Variants in SPATA17 observed in about 807,000 individuals in gnomAD.
The protein encoded by SPATA17 is spermatogenesis associated 17, also known as spermatogenesis-associated protein 17.
A neutral mutation model predicts 62.2 loss-of-function variants in SPATA17; 53 were observed. That is an observed-to-expected ratio of 0.85 (90% CI 0.68 to 1.07). The LOEUF (loss-of-function observed/expected upper bound fraction) is 1.07, where lower values mean the gene tolerates loss of function less well. SPATA17 is among the 50% of genes least tolerant of loss of function. SPATA17 has a pLI of 0.00. For missense variants in SPATA17, 466 were observed against 425.5 expected (o/e 1.10, Z -0.84); for synonymous variants, 146 against 146.8 (o/e 0.99, Z 0.04).
intron 9 of SPATA17, among the ~76,000 whole-genome samples, chr1:217,818,892 T>TG (rs946130429): frequency 7.3e-5 from 11 of 150,924 alleles, no homozygotes; most frequent in Non-Finnish European, 1.2e-4. Context: ...CTTTTTTTTT[T>TG]TTTTTGGCTT....
chr1:217,804,390 T>C (rs1310749701), intron 9 of SPATA17, among the ~76,000 whole-genome samples: 1 of 152,170 alleles, frequency 6.6e-6, no homozygotes, highest in Non-Finnish European at 1.5e-5. Flanking sequence ...TCACACCATA[T>C]GCAAATATCA....
At chr1:217,707,502 C>G (rs1380226136) in intron 5 of SPATA17, among the ~76,000 whole-genome samples, 3 of 152,068 alleles carry the variant, frequency 2.0e-5, no homozygotes, top group Non-Finnish European at 4.4e-5. Context: ...TTATCGTGTT[C>G]TATTTCTCAA....
chr1:217,870,552 ACTT>A lies in SPATA17; in HGVS notation c.*3537_*3539del, dbSNP rs1405217813. 1.3e-5 allele frequency: 2 copies of A among 152,152 alleles called. No individual in the cohort carries two copies. Among genetic ancestry groups the A allele is most frequent in the African/African-American group, 4.8e-5 (2 of 41,446 alleles). 9.4% of individuals were successfully genotyped at this position (152,152 alleles called of 1,614,324 possible). A position where few individuals can be genotyped will look rare whatever the true frequency, so the allele number is the denominator to read the frequency against. On this transcript the variant is annotated 3_prime_UTR_variant, in exon 11 of 11. Coordinates refer to ENST00000366933, the MANE Select transcript of SPATA17 (RefSeq NM_138796.4). ...ACTAGACTACATCAACTTATATACT[ACTT>A]CTTTTCTATATTCTCAATATGAGCC...
chr1:217,867,165 AT>A lies in SPATA17; in HGVS notation c.*148del, dbSNP rs1172781318. 6.6e-6 allele frequency: 1 copy of A among 152,166 alleles called. No individual in the cohort carries two copies. Among genetic ancestry groups the A allele is most frequent in the Non-Finnish European group, 1.5e-5 (1 of 68,022 alleles). 9.4% of individuals were successfully genotyped at this position (152,166 alleles called of 1,614,324 possible). A position where few individuals can be genotyped will look rare whatever the true frequency, so the allele number is the denominator to read the frequency against. On this transcript the variant is annotated 3_prime_UTR_variant, in exon 11 of 11. Coordinates refer to ENST00000366933, the MANE Select transcript of SPATA17 (RefSeq NM_138796.4). ...TTGTAGCTCTAGTCATGAATTAATTATTGTGTGTATGTATTTGAAATCTCTT... is the reference window on the plus strand; with the variant it reads ...TTGTAGCTCTAGTCATGAATTAATTATGTGTGTATGTATTTGAAATCTCTT...
At chr1:217,729,754 C>G (rs1672358397) in intron 5 of SPATA17, among the ~76,000 whole-genome samples, 1 of 152,080 alleles carries the variant, frequency 6.6e-6, no homozygotes, top group Non-Finnish European at 1.5e-5. Context: ...TGACATAATC[C>G]ATGTAATCAC....
chr1:217,814,022 T>A (rs1674657577), intron 9 of SPATA17, among the ~76,000 whole-genome samples: 1 of 152,128 alleles, frequency 6.6e-6, no homozygotes. Flanking sequence ...TTTAGTGATT[T>A]CCAATTATGC....
At chr1:217,792,376 G>A (rs1195446045) in intron 8 of SPATA17, among the ~76,000 whole-genome samples, 1 of 152,114 alleles carries the variant, frequency 6.6e-6, no homozygotes, top group Non-Finnish European at 1.5e-5. Context: ...AAGAAAAACT[G>A]GACTAAGATG....
intron 5 of SPATA17, among the ~76,000 whole-genome samples, chr1:217,699,693 A>G (rs1311917592): frequency 6.6e-6 from 1 of 152,180 alleles, no homozygotes; most frequent in Non-Finnish European, 1.5e-5. Flanking sequence ...TTCACAGAAC[A>G]TAACTTTTTA....
chr1:217,804,444 G>C (rs191582565), intron 9 of SPATA17, among the ~76,000 whole-genome samples: 1 of 152,062 alleles, frequency 6.6e-6, no homozygotes, highest in African/African-American at 2.4e-5. Flanking sequence ...CTACTAGAAG[G>C]AAATATAGGA....
At chr1:217,791,113 C>A (rs2102982084) in intron 8 of SPATA17, among the ~76,000 whole-genome samples, 1 of 152,298 alleles carries the variant, frequency 6.6e-6, no homozygotes, top group East Asian at 1.9e-4. Flanking sequence ...CAGTGTGCAA[C>A]ATTTATTAAT....
chr1:217,755,733 T>C (rs925232327), intron 6 of SPATA17, among the ~76,000 whole-genome samples: 1 of 151,958 alleles, frequency 6.6e-6, no homozygotes, highest in Non-Finnish European at 1.5e-5. Flanking sequence ...TTTGTTGTAT[T>C]TATAATACAT....
chr1:217,654,258 T>G (rs1304962694), intron 3 of SPATA17, among the ~76,000 whole-genome samples: 1 of 151,424 alleles, frequency 6.6e-6, no homozygotes, highest in Non-Finnish European at 1.5e-5. Context: ...CTGCCTCAAC[T>G]TCCCAAGTAG....
intron 4 of SPATA17, among the ~76,000 whole-genome samples, chr1:217,669,297 T>C (rs1006521942): frequency 1.3e-5 from 2 of 152,214 alleles, no homozygotes; most frequent in South Asian, 2.1e-4. Context: ...TAAATGCTTA[T>C]GTTTTAGAAT....
chr1:217,700,430 A>C (rs2102918755), intron 5 of SPATA17, among the ~76,000 whole-genome samples: 1 of 152,226 alleles, frequency 6.6e-6, no homozygotes, highest in East Asian at 1.9e-4. Context: ...GCCTATTTTT[A>C]GTTCTGATAG....
rs1460399003 is a variant in SPATA17, at chr1:217,869,791, GT to G, written c.*2777del. 1 of 150,622 alleles carries G rather than the reference GT, an allele frequency of 6.6e-6. No individual in the cohort carries two copies. Among genetic ancestry groups the G allele is most frequent in the African/African-American group, 2.4e-5 (1 of 41,042 alleles). The allele number at this position is 150,622 out of a possible 1,614,324, so 9.3% of individuals were successfully genotyped here. On this transcript the variant is annotated 3_prime_UTR_variant, in exon 11 of 11. Coordinates refer to ENST00000366933, the MANE Select transcript of SPATA17 (RefSeq NM_138796.4). ...CCACATCCTATAATGGCCTGAACTA[GT>G]TTTTCAGGTTAACTTTGGAATACCC...
intron 1 of SPATA17, among the ~76,000 whole-genome samples, chr1:217,640,685 CTAAA>C (rs1670042402): frequency 6.6e-6 from 1 of 151,656 alleles, no homozygotes; most frequent in Non-Finnish European, 1.5e-5. Context: ...ACTACTATGG[CTAAA>C]TAAAGACAAG....
rs191582565 is a variant in SPATA17, at chr1:217,804,444, G to A, written c.1005+2594G>A. Among the ~76,000 whole-genome samples the A allele has an allele frequency of 4.6e-5, 7 of 152,176 alleles. No individual in the cohort carries two copies. In the East Asian group the frequency reaches 1.4e-3, roughly 29 times the overall value. On this transcript the variant is annotated intron_variant, in intron 9 of 10. Coordinates refer to ENST00000366933, the MANE Select transcript of SPATA17 (RefSeq NM_138796.4). ...CCTGAAACTGTAAAACTACTAGAAG[G>A]AAATATAGGAAAAAAGCTTCTTGAC... is the stretch of plus-strand genomic sequence containing the variant.
chr1:217,668,659 T>C (rs999447188), intron 3 of SPATA17, among the ~76,000 whole-genome samples: 10 of 152,182 alleles, frequency 6.6e-5, no homozygotes, highest in African/African-American at 2.4e-4. Context: ...CCTTTTATGT[T>C]TCTGTGAGGT....
chr1:217,634,963 T>C (rs1163800627), intron 1 of SPATA17, among the ~76,000 whole-genome samples: 3 of 152,194 alleles, frequency 2.0e-5, no homozygotes, highest in Non-Finnish European at 4.4e-5. Flanking sequence ...CCTAGCTTCA[T>C]TTCTGTTCTT....
Sources: allele counts gnomAD v4.1 joint callset (sites outside exome capture counted in the v4.1 genomes callset), GRCh38; gene constraint gnomAD v4.1.1; transcripts MANE v1.5; gene names NCBI Gene and HGNC (gene_info 2026-07-23, HGNC 2026-07-21).